PDE4D: variants seen among roughly 807,000 people sequenced by gnomAD.
The protein encoded by PDE4D is 3',5'-cyclic-AMP phosphodiesterase 4D.
PDE4D carries 24 observed loss-of-function variants against 87.4 expected under a neutral mutation model. The ratio of observed to expected loss-of-function variants is 0.27; its 90% CI spans 0.20 to 0.39. The LOEUF (loss-of-function observed/expected upper bound fraction) is 0.39. Among genes scored for constraint, PDE4D ranks in the 10% least tolerant of loss-of-function variants. The probability of loss-of-function intolerance (pLI) is 1.00; values close to 1 mark genes in which losing one functional copy is unlikely to be tolerated. For missense variants in PDE4D, 714 were observed against 1,041.0 expected (o/e 0.69, Z 4.32); for synonymous variants, 384 against 383.2 (o/e 1.00, Z -0.02).
At chr5:59,427,480 T>A (rs922755242) in intron 1 of PDE4D, among the ~76,000 whole-genome samples, 1 of 152,088 alleles carries the variant, frequency 6.6e-6, no homozygotes, top group Non-Finnish European at 1.5e-5. Context: ...ACTCAAAAAC[T>A]TTACAGTCCA....
intron 1 of PDE4D, among the ~76,000 whole-genome samples, chr5:59,364,806 CT>C (rs1381535390): frequency 1.3e-5 from 2 of 152,094 alleles, no homozygotes; most frequent in Non-Finnish European, 2.9e-5. Flanking sequence ...GCCTCCCTTC[CT>C]TTTTTTCTTC....
intron 5 of PDE4D, among the ~76,000 whole-genome samples, chr5:59,047,171 A>G (rs1760840643): frequency 6.6e-6 from 1 of 152,200 alleles, no homozygotes; most frequent in Non-Finnish European, 1.5e-5. Context: ...AAATGCAAAC[A>G]TTCTATTAAT....
At chr5:60,265,527 T>C (rs1185672979) in intron 1 of PDE4D, among the ~76,000 whole-genome samples, 2 of 152,174 alleles carry the variant, frequency 1.3e-5, no homozygotes. Flanking sequence ...TTTTACCTTT[T>C]ACCTCTCTTG....
intron 1 of PDE4D, among the ~76,000 whole-genome samples, chr5:60,509,051 C>T (rs963377491): frequency 2.0e-5 from 3 of 152,088 alleles, no homozygotes; most frequent in African/African-American, 7.2e-5. Flanking sequence ...AGGTGCACAC[C>T]ACCAGGCCCA....
chr5:59,341,724 CTTGG>C (rs1168624682), intron 1 of PDE4D, among the ~76,000 whole-genome samples: 1 of 152,096 alleles, frequency 6.6e-6, no homozygotes, highest in Non-Finnish European at 1.5e-5. Flanking sequence ...TACAGGGTCA[CTTGG>C]TTGGTGATTA....
intron 1 of PDE4D, among the ~76,000 whole-genome samples, chr5:59,230,896 C>G (rs924450919): frequency 5.3e-5 from 8 of 152,130 alleles, no homozygotes; most frequent in African/African-American, 1.9e-4. Context: ...TTTTTTCAAT[C>G]TTACTGGGCA....
At chr5:59,359,697 T>TCAAA (rs1411020507) in intron 1 of PDE4D, among the ~76,000 whole-genome samples, 5 of 152,226 alleles carry the variant, frequency 3.3e-5, no homozygotes, top group African/African-American at 4.8e-5. Context: ...TTCATGGGTA[T>TCAAA]CAAAGAGTAT....
intron 1 of PDE4D, among the ~76,000 whole-genome samples, chr5:59,695,856 G>A (rs1751703784): frequency 6.6e-6 from 1 of 152,072 alleles, no homozygotes; most frequent in Non-Finnish European, 1.5e-5. Context: ...TGATCCACCT[G>A]CCTCAGCCTC....
At chr5:59,389,824 A>AGAGTG (rs947919756) in intron 1 of PDE4D, among the ~76,000 whole-genome samples, 1 of 152,130 alleles carries the variant, frequency 6.6e-6, no homozygotes, top group African/African-American at 2.4e-5. Flanking sequence ...GGTAGAGAGT[A>AGAGTG]GAATGATGGT....
At chr5:59,585,025 A>C (rs546714045) in intron 1 of PDE4D, among the ~76,000 whole-genome samples, 29 of 152,286 alleles carry the variant, frequency 1.9e-4, no homozygotes, top group African/African-American at 4.1e-4. Context: ...CAATGGCACC[A>C]AGGCTCCCCC....
intron 1 of PDE4D, among the ~76,000 whole-genome samples, chr5:60,237,243 C>CATTTACCATA (rs578257153): frequency 2.6e-5 from 4 of 151,898 alleles, no homozygotes; most frequent in Non-Finnish European, 5.9e-5. Context: ...ACTAAATATG[C>CATTTACCATA]ATTTACCATA....
chr5:60,227,788 G>T (rs1043337735), intron 1 of PDE4D, among the ~76,000 whole-genome samples: 3 of 152,070 alleles, frequency 2.0e-5, no homozygotes, highest in African/African-American at 7.2e-5. Flanking sequence ...CTTGTTATTT[G>T]CCATGATCTT....
intron 1 of PDE4D, among the ~76,000 whole-genome samples, chr5:59,350,045 T>C (rs1054977716): frequency 6.6e-6 from 1 of 152,216 alleles, no homozygotes; most frequent in East Asian, 1.9e-4. Flanking sequence ...TAATGCATTC[T>C]ACAAAAATGT....
At chr5:59,487,831 T>G (rs1805418652) in intron 1 of PDE4D, among the ~76,000 whole-genome samples, 1 of 152,190 alleles carries the variant, frequency 6.6e-6, no homozygotes, top group Non-Finnish European at 1.5e-5. Context: ...ACTGAAAGCA[T>G]CCAGTGAGAT....
At chr5:59,756,597 GT>G (rs1266859188) in intron 1 of PDE4D, among the ~76,000 whole-genome samples, 1 of 150,896 alleles carries the variant, frequency 6.6e-6, no homozygotes, top group Non-Finnish European at 1.5e-5. Context: ...TGAGTTCAAA[GT>G]TTTTTTCCAC....
intron 1 of PDE4D, among the ~76,000 whole-genome samples, chr5:60,420,742 G>T (rs1297945307): frequency 6.6e-6 from 1 of 152,180 alleles, no homozygotes; most frequent in Non-Finnish European, 1.5e-5. Context: ...GCGCAGGGTG[G>T]GGCATCGCCT....
intron 1 of PDE4D, among the ~76,000 whole-genome samples, chr5:60,221,286 T>A (rs1454221482): frequency 6.6e-6 from 1 of 151,936 alleles, no homozygotes; most frequent in Non-Finnish European, 1.5e-5. Context: ...ATAAAATAAA[T>A]CAACAATTAT....
chr5:59,374,806 T>C (rs573263776), intron 1 of PDE4D, among the ~76,000 whole-genome samples: 15 of 152,172 alleles, frequency 9.9e-5, no homozygotes, highest in Middle Eastern at 3.4e-3. Context: ...GCAAAAGAAC[T>C]GAAATAATAA....
At chr5:59,793,189 T>G (rs1446804663) in intron 1 of PDE4D, among the ~76,000 whole-genome samples, 2 of 152,160 alleles carry the variant, frequency 1.3e-5, no homozygotes, top group Non-Finnish European at 2.9e-5. Flanking sequence ...GCAGAATGAC[T>G]CAGGAACCAC....
Sources: allele counts gnomAD v4.1 joint callset (sites outside exome capture counted in the v4.1 genomes callset), GRCh38; gene constraint gnomAD v4.1.1; transcripts MANE v1.5; gene names NCBI Gene and HGNC (gene_info 2026-07-23, HGNC 2026-07-21).